The following GALNS variants were observed in gnomAD, a reference collection of about 807,000 sequenced individuals.
GALNS encodes N-acetylgalactosamine-6-sulfatase.
In GALNS, 65 loss-of-function variants were observed where a neutral mutation model predicts 65.9. That is an observed-to-expected ratio of 0.99 (90% CI 0.81 to 1.21). The LOEUF (loss-of-function observed/expected upper bound fraction) is 1.21. GALNS is among the 50% of genes most tolerant of loss of function. GALNS has a pLI of 0.00. For missense variants in GALNS, 776 were observed against 700.7 expected, an observed-to-expected ratio of 1.11 and a Z score of -1.21; for synonymous variants, 346 against 288.9, an observed-to-expected ratio of 1.20 and a Z score of -2.00.
chr16:88,855,395 G>C (rs1967762797), intron 1 of GALNS: 1 of 702,764 alleles, frequency 1.4e-6, no homozygotes, highest in Non-Finnish European at 2.6e-6. Flanking sequence ...CTTCAAAAGT[G>C]AAAGGATGAA....
chr16:88,842,657 G>A lies in GALNS; in HGVS notation c.244+49C>T, dbSNP rs13334220. The A allele has an allele frequency of 9.1e-3, 14,539 of 1,603,948 alleles. 1,134 individuals carry two copies. In the African/African-American group the frequency reaches 0.17, roughly 19 times the overall value. On this transcript the variant is annotated intron_variant, in intron 2 of 13. Transcript: ENST00000268695. The stretch of plus-strand genomic sequence containing the variant: ...GGGCTGGAAGGACCCGGGAGGCCTC[G>A]GCCTGTTGGGCTCACCCCTTCCTGG...
At position 88,855,739 on chromosome 16, in the gene GALNS, CTTCCAA is replaced by C. The variant is rs1449374800; in HGVS notation, c.120+1013_120+1018del. 1.2e-5 allele frequency: 7 copies of C among 564,302 alleles called. No individual in the cohort carries two copies. In the East Asian group the frequency reaches 2.1e-4, roughly 17 times the overall value. The allele number at this position is 564,302 out of a possible 1,614,324, so 35.0% of individuals were successfully genotyped here. A position where few individuals can be genotyped will look rare whatever the true frequency, so the allele number is the denominator to read the frequency against. On this transcript the variant is annotated intron_variant, in intron 1 of 13. Coordinates refer to ENST00000268695, the MANE Select transcript of GALNS (RefSeq NM_000512.5). The stretch of plus-strand genomic sequence containing the variant: ...TCTGTGTATTTTACACTACCAGCAC[CTTCCAA>C]TTCCGACAGCCACGACTGCCCAGCC...
At position 88,840,540 on chromosome 16, in the gene GALNS, C is replaced by G. The variant is rs1423550670; in HGVS notation, c.422+452G>C. 3 of 305,262 alleles carry G rather than the reference C, an allele frequency of 9.8e-6. No homozygotes were observed. In the East Asian group the frequency reaches 2.7e-4, roughly 27 times the overall value. The allele number at this position is 305,262 out of a possible 1,614,324, so 18.9% of individuals were successfully genotyped here. On this transcript the variant is annotated intron_variant, in intron 4 of 13. Coordinates refer to ENST00000268695, the MANE Select transcript of GALNS (RefSeq NM_000512.5). Reference sequence around the variant, plus strand: ...GCTCAGGATTTCATCAACTGCTAGGCTGTTACTCTCCTTCCTGGTGGCTTC... The same window carrying G: ...GCTCAGGATTTCATCAACTGCTAGGGTGTTACTCTCCTTCCTGGTGGCTTC...
chr16:88,843,184 CTCTAAACACGTGCA>C, intron 1 of GALNS: 4 of 1,367,310 alleles, frequency 2.9e-6, no homozygotes, highest in Non-Finnish European at 3.8e-6. Context: ...AGGAGCTGGC[CTCTAAACACGTGCA>C]TCTATTTTCA....
At chr16:88,827,712 C>G (rs1178906927) in intron 9 of GALNS, among the ~76,000 whole-genome samples, 5 of 152,220 alleles carry the variant, frequency 3.3e-5, no homozygotes, top group South Asian at 4.1e-4. Flanking sequence ...TCCCAAAGTG[C>G]TGGGATTACA....
In GALNS at chr16:88,826,915, C is replaced by A. The variant is rs1277542967; in HGVS notation, c.1003-77G>T. 14 of 1,517,714 alleles carry A rather than the reference C, an allele frequency of 9.2e-6. No individual in the cohort carries two copies. In the East Asian group the frequency reaches 2.0e-4, roughly 21 times the overall value. 94.0% of individuals were successfully genotyped at this position (1,517,714 alleles called of 1,614,324 possible). ...GGCTGGGGGCCAATCCCTGGGGGGG[C>A]GTGAGCCCCGCTGCCCAGCTGGGTC... On this transcript the variant is annotated intron_variant, in intron 9 of 13. Coordinates refer to ENST00000268695, the MANE Select transcript of GALNS (RefSeq NM_000512.5).
rs373492223 is a variant in GALNS, at chr16:88,825,110, TGGGTGTCTGGGGCTG to T, written c.1140-256_1140-242del. Among the ~76,000 whole-genome samples the T allele has an allele frequency of 0.045, 4,580 of 100,856 alleles. 78 individuals are homozygous for T. Among genetic ancestry groups the T allele is most frequent in the Middle Eastern group, 0.1 (15 of 146 alleles). 66.2% of individuals were successfully genotyped at this position (100,856 alleles called of 152,430 possible). A position where few individuals can be genotyped will look rare whatever the true frequency, so the allele number is the denominator to read the frequency against. ...GGGGTGACTGGGTATCTGGGGCGCCTGGGTGTCTGGGGCTGGGGTGTCTGGGCGGCCGGGGCTGGG... is the reference window on the plus strand; with the variant it reads ...GGGGTGACTGGGTATCTGGGGCGCCTGGGTGTCTGGGCGGCCGGGGCTGGG... On this transcript the variant is annotated intron_variant, in intron 10 of 13. Coordinates refer to ENST00000268695, the MANE Select transcript of GALNS (RefSeq NM_000512.5).
chr16:88,835,455 A>C, intron 7 of GALNS, 103 bp from the exon 8 acceptor site: 1 of 1,465,832 alleles, frequency 6.8e-7, no homozygotes, highest in East Asian at 2.3e-5. Flanking sequence ...TTAAATCATA[A>C]CTTCACAGAC....
intron 1 of GALNS, among the ~76,000 whole-genome samples, chr16:88,853,326 G>A (rs977950070): frequency 6.6e-6 from 1 of 151,456 alleles, no homozygotes; most frequent in Non-Finnish European, 1.5e-5. Flanking sequence ...ACAGCTGTGA[G>A]CCATGGATCA....
In GALNS at chr16:88,832,063, T is replaced by C. The variant is rs2142999184; in HGVS notation, c.937A>G (p.Thr313Ala). The C allele has an allele frequency of 2.5e-6, 4 of 1,613,806 alleles. No individual in the cohort carries two copies. Among genetic ancestry groups the C allele is most frequent in the Non-Finnish European group, 3.4e-6 (4 of 1,179,888 alleles). ...NGPFLCGKQT[T>A]FEGGMREPAL... Reference sequence around the variant, plus strand: ...GGCTCCCTCATCCCTCCTTCAAACGTGGTCTGCTTCCCACACAGAAAGGGG... The same window carrying C: ...GGCTCCCTCATCCCTCCTTCAAACGCGGTCTGCTTCCCACACAGAAAGGGG... Residue 313 changes from threonine to alanine, a missense_variant, in exon 9 of 14, where the codon ACG becomes GCG. Transcript: ENST00000268695.
chr16:88,846,411 G>A lies in GALNS; in HGVS notation c.121-3582C>T, dbSNP rs79706987. Among the ~76,000 whole-genome samples, 271 of 152,170 alleles carry A rather than the reference G, an allele frequency of 1.8e-3. 9 individuals carry two copies. The East Asian group carries it at 0.045, about 25-fold the overall frequency. Reference sequence around the variant, plus strand: ...GCTGGGGGCCACCAGAAGCTGCAGGGGCAAGAGGTCCCTTGCAGGTTTCCG... The same window carrying A: ...GCTGGGGGCCACCAGAAGCTGCAGGAGCAAGAGGTCCCTTGCAGGTTTCCG... On this transcript the variant is annotated intron_variant, in intron 1 of 13. Transcript: ENST00000268695.
chr16:88,820,585 T>A (rs947698720), intron 12 of GALNS, among the ~76,000 whole-genome samples: 3 of 152,198 alleles, frequency 2.0e-5, no homozygotes, highest in Admixed American at 6.5e-5. Context: ...TGTGACCCCC[T>A]CTGGGAAGCT....
intron 4 of GALNS, chr16:88,840,476 C>A (rs1205222903): frequency 5.1e-5 from 10 of 197,988 alleles, no homozygotes; most frequent in South Asian, 2.4e-4. Flanking sequence ...GCGCCTAAAA[C>A]CGCAGCGTGG....
rs1435949518 is a variant in GALNS, at chr16:88,835,808, G to C, written c.675C>G (p.Pro225=). The C allele has an allele frequency of 6.2e-7, 1 of 1,614,040 alleles. No individual in the cohort carries two copies. ...CGTCGACAGCCCAGTAGAGGAAAAA[G>C]GGGTGGTGCCGTGCCTGTCTCTTAA... The part of the protein sequence containing the change: ...DFIKRQARHH[P]FFLYWAVDAT... The change falls in exon 7 of 14, where the codon CCC becomes CCG. Residue 225 remains proline (P), a synonymous_variant. Transcript: ENST00000268695.
At chr16:88,842,913 G>A (rs1182558888) in intron 1 of GALNS, 84 bp from the exon 2 acceptor site, 7 of 1,572,364 alleles carry the variant, frequency 4.5e-6, no homozygotes, top group South Asian at 3.4e-5. Context: ...TGCCAAGAGC[G>A]TGTCGGGGAC....
In GALNS at chr16:88,815,023, G is replaced by C. The variant is rs1414208668; in HGVS notation, c.1483-498C>G. 3 of 985,272 alleles carry C rather than the reference G, an allele frequency of 3.0e-6. No individual in the cohort carries two copies. In the African/African-American group the frequency reaches 5.2e-5, roughly 17 times the overall value. 61.0% of individuals were successfully genotyped at this position (985,272 alleles called of 1,614,324 possible). On this transcript the variant is annotated intron_variant, in intron 13 of 13. Transcript: ENST00000268695. ...GCTGGGATTATAGGCGTGAGCCACC[G>C]CGCTTGGCCTCGAGCAGTTTTGATG...
chr16:88,853,006 T>C (rs984219867), intron 1 of GALNS, among the ~76,000 whole-genome samples: 19 of 151,378 alleles, frequency 1.3e-4, no homozygotes, highest in Non-Finnish European at 2.1e-4. Context: ...ATCCCAGCAC[T>C]TTGGGAGGCT....
intron 6 of GALNS, 30 bp downstream of exon 6, chr16:88,836,171 A>T (rs1172419726): frequency 1.9e-6 from 3 of 1,607,362 alleles, no homozygotes; most frequent in Non-Finnish European, 2.6e-6. Context: ...CATGCGTCCC[A>T]CAGGGCGAGG....
At chr16:88,824,373 G>C (rs1165178456) in intron 11 of GALNS, among the ~76,000 whole-genome samples, 1 of 152,062 alleles carries the variant, frequency 6.6e-6, no homozygotes, top group Admixed American at 6.5e-5. Flanking sequence ...TTGCTGTGGT[G>C]ATGCCAATGC....
Sources: gnomAD v4.1 joint callset for allele counts (sites outside exome capture counted in the v4.1 genomes callset) on GRCh38, gnomAD v4.1.1 for gene constraint, MANE v1.5 for transcripts, NCBI Gene and HGNC (gene_info 2026-07-23, HGNC 2026-07-21) for gene names.